Variants in SLC4A5 observed in about 807,000 individuals in gnomAD.
SLC4A5 encodes electrogenic sodium bicarbonate cotransporter 4.
A neutral mutation model predicts 120.4 loss-of-function variants in SLC4A5; 96 were observed. The observed-to-expected ratio is 0.80, with a 90% CI of 0.68 to 0.94. The LOEUF is 0.94. SLC4A5 is among the 40% of genes least tolerant of loss of function. The pLI is 0.00. For synonymous variants in SLC4A5, 550 were observed against 571.1 expected (o/e 0.96, Z 0.53); for missense variants, 1,259 against 1,459.5 (o/e 0.86, Z 2.24).
intron 7 of SLC4A5, 97 bp downstream of exon 7, chr2:74,304,392 T>C: frequency 1.6e-6 from 2 of 1,268,394 alleles, no homozygotes; most frequent in South Asian, 3.1e-5. Flanking sequence ...TGTGGAGCGT[T>C]ACCCACATTC....
At chr2:74,228,568 T>C (rs904662715) in intron 25 of SLC4A5, among the ~76,000 whole-genome samples, 2 of 152,012 alleles carry the variant, frequency 1.3e-5, no homozygotes, top group African/African-American at 2.4e-5. Flanking sequence ...AGATGGAGGT[T>C]GCGGTGAGCT....
rs557920126 is a variant in SLC4A5, at chr2:74,315,031, A to C, written c.-2-6T>G. On this transcript the variant is annotated splice_region_variant and splice_polypyrimidine_tract_variant and intron_variant, in intron 5 of 30. Transcript: ENST00000394019. Reference sequence around the variant, plus strand: ...CTCCTCCTTCACCTTCATGACTATAAAGTAAAAGGAACACAGCCTCAAAAT... The same window carrying C: ...CTCCTCCTTCACCTTCATGACTATACAGTAAAAGGAACACAGCCTCAAAAT... The C allele has an allele frequency of 1.2e-6, 2 of 1,611,494 alleles. No homozygotes were observed. Among genetic ancestry groups the C allele is most frequent in the South Asian group, 1.1e-5 (1 of 91,040 alleles).
intron 24 of SLC4A5, 118 bp downstream of exon 24, chr2:74,232,351 G>A (rs1459976716): frequency 1.7e-6 from 2 of 1,183,908 alleles, no homozygotes; most frequent in African/African-American, 1.5e-5. Context: ...TGTGGTTCTT[G>A]GGCCGTCAGA....
chr2:74,265,903 G>A (rs1214439146), intron 8 of SLC4A5, among the ~76,000 whole-genome samples: 1 of 152,134 alleles, frequency 6.6e-6, no homozygotes, highest in East Asian at 1.9e-4. Context: ...ATCATGGGCT[G>A]GGTGTTCAAG....
chr2:74,233,984 G>T (rs980288586), intron 22 of SLC4A5, among the ~76,000 whole-genome samples: 2 of 152,104 alleles, frequency 1.3e-5, no homozygotes, highest in African/African-American at 4.8e-5. Flanking sequence ...TTATAGAATT[G>T]TCTGTAAAAT....
At chr2:74,329,351 A>G (rs1426928840) in intron 4 of SLC4A5, among the ~76,000 whole-genome samples, 1 of 152,132 alleles carries the variant, frequency 6.6e-6, no homozygotes, top group Admixed American at 6.5e-5. Flanking sequence ...GCACTTTGGG[A>G]GGCTGAGGCG....
chr2:74,302,992 TG>T (rs1304859726), intron 7 of SLC4A5, among the ~76,000 whole-genome samples: 2 of 151,842 alleles, frequency 1.3e-5, no homozygotes, highest in Non-Finnish European at 2.9e-5. Context: ...TCTTGGTCTC[TG>T]ATGTTCCCAC....
At chr2:74,254,817 A>ATTTT in intron 13 of SLC4A5, 111 bp from the exon 14 acceptor site, 3 of 605,374 alleles carry the variant, frequency 5.0e-6, no homozygotes, top group East Asian at 6.3e-5. Context: ...AACAGTATGC[A>ATTTT]TTTTTTTTTT....
chr2:74,290,525 T>C, intron 7 of SLC4A5: 1 of 984,492 alleles, frequency 1.0e-6, no homozygotes, highest in Non-Finnish European at 1.2e-6. Flanking sequence ...TAAGTGTAAG[T>C]GTGAGAAAGA....
At chr2:74,239,358 A>T in exon 21 of SLC4A5, 1 of 1,614,196 alleles carries the variant, frequency 6.2e-7, no homozygotes, top group African/African-American at 1.3e-5. Context: ...TAGCGGCTGA[A>T]TTTGAACTTC....
chr2:74,292,381 C>T (rs536808315), intron 7 of SLC4A5, among the ~76,000 whole-genome samples: 2 of 152,284 alleles, frequency 1.3e-5, no homozygotes, highest in South Asian at 2.1e-4. Flanking sequence ...CTGTCTCTGC[C>T]CCTCCCTTCT....
At chr2:74,339,704 C>G (rs957657220) in intron 2 of SLC4A5, 2 of 152,156 alleles carry the variant, frequency 1.3e-5, no homozygotes, top group African/African-American at 2.4e-5. Context: ...GGTATACACC[C>G]AAGAAAACTG....
intron 17 of SLC4A5, among the ~76,000 whole-genome samples, chr2:74,249,622 G>A (rs1346724159): frequency 6.6e-6 from 1 of 152,144 alleles, no homozygotes; most frequent in East Asian, 1.9e-4. Context: ...GTAGACAGCT[G>A]GGTGAACCAC....
At chr2:74,323,177 T>C (rs775439754) in intron 5 of SLC4A5, among the ~76,000 whole-genome samples, 38 of 151,872 alleles carry the variant, frequency 2.5e-4, no homozygotes, top group Non-Finnish European at 4.4e-4. Flanking sequence ...GAGGTGGAGG[T>C]TGCAGTGAGC....
At chr2:74,287,759 C>T (rs1395471178) in intron 7 of SLC4A5, among the ~76,000 whole-genome samples, 1 of 152,192 alleles carries the variant, frequency 6.6e-6, no homozygotes. Flanking sequence ...TCCATCCCCT[C>T]AACTCTTTCA....
chr2:74,218,871 A>G (rs1299581632), intron 30 of SLC4A5, 79 bp from the exon 31 acceptor site: 1 of 152,614 alleles, frequency 6.6e-6, no homozygotes, highest in Admixed American at 6.5e-5. Context: ...CTCTAATGCA[A>G]ATACTTCCAT....
At chr2:74,253,009 A>G (rs1030853733) in exon 15 of SLC4A5, 1 of 1,614,106 alleles carries the variant, frequency 6.2e-7, no homozygotes, top group Non-Finnish European at 8.5e-7. Flanking sequence ...TGGGGGGCTC[A>G]ATCCGGATAT....
intron 6 of SLC4A5, among the ~76,000 whole-genome samples, chr2:74,312,613 T>C (rs529789842): frequency 6.6e-6 from 1 of 152,320 alleles, no homozygotes; most frequent in South Asian, 2.1e-4. Flanking sequence ...TGCCTTTTAA[T>C]TGATATGTTT....
intron 19 of SLC4A5, among the ~76,000 whole-genome samples, chr2:74,244,592 CCTT>C (rs1291101199): frequency 6.6e-6 from 1 of 151,522 alleles, no homozygotes; most frequent in African/African-American, 2.4e-5. Context: ...TCCTCCTCCT[CCTT>C]GCTCTCGCTC....
Sources: gnomAD v4.1 joint callset for allele counts (sites outside exome capture counted in the v4.1 genomes callset) on GRCh38, gnomAD v4.1.1 for gene constraint, MANE v1.5 for transcripts, NCBI Gene and HGNC (gene_info 2026-07-23, HGNC 2026-07-21) for gene names.